The following URI1 variants were observed in gnomAD, a reference collection of about 807,000 sequenced individuals.
URI1 encodes the protein unconventional prefoldin RPB5 interactor 1.
A neutral mutation model predicts 60.2 loss-of-function variants in URI1; 39 were observed. The ratio of observed to expected loss-of-function variants is 0.65; its 90% CI spans 0.50 to 0.85. URI1 has a LOEUF of 0.85. URI1 is among the 40% of genes least tolerant of loss of function. The probability of loss-of-function intolerance (pLI) is 0.00; values close to 1 mark genes in which losing one functional copy is unlikely to be tolerated. For missense variants in URI1, 691 were observed against 665.9 expected (o/e 1.04, Z -0.42); for synonymous variants, 251 against 236.8 (o/e 1.06, Z -0.55).
At chr19:29,957,211 A>G (rs2055260052) in intron 1 of URI1, among the ~76,000 whole-genome samples, 2 of 152,038 alleles carry the variant, frequency 1.3e-5, no homozygotes, top group African/African-American at 4.8e-5. Context: ...TATTAATCAT[A>G]AAGTCTATTA....
chr19:29,979,850 A>G (rs796504175), intron 2 of URI1, among the ~76,000 whole-genome samples: 6 of 152,290 alleles, frequency 3.9e-5, no homozygotes, highest in African/African-American at 1.2e-4. Flanking sequence ...ACTTATATCA[A>G]TTGAAATTAC....
chr19:29,943,379 A>G (rs781101684), intron 1 of URI1, among the ~76,000 whole-genome samples: 4 of 152,192 alleles, frequency 2.6e-5, no homozygotes, highest in Admixed American at 1.3e-4. Context: ...CCAATTTAAG[A>G]AATAGTTTTA....
chr19:29,942,713 C>G, intron 1 of URI1, 49 bp downstream of exon 1: 1 of 1,348,522 alleles, frequency 7.4e-7, no homozygotes, highest in Non-Finnish European at 9.5e-7. Context: ...CGGGCTGCCC[C>G]TGCCTGTGCT....
intron 2 of URI1, among the ~76,000 whole-genome samples, chr19:29,983,537 T>C (rs2055624008): frequency 6.6e-6 from 1 of 152,214 alleles, no homozygotes; most frequent in Non-Finnish European, 1.5e-5. Flanking sequence ...CTGATTTCAA[T>C]TTGACAATGT....
chr19:29,985,935 T>C (rs1299356243), intron 3 of URI1, among the ~76,000 whole-genome samples: 2 of 152,254 alleles, frequency 1.3e-5, no homozygotes, highest in Non-Finnish European at 2.9e-5. Flanking sequence ...AAAAGTATTT[T>C]GCATTGACAA....
At chr19:30,013,857 C>T (rs2056053226) in intron 10 of URI1, among the ~76,000 whole-genome samples, 1 of 152,100 alleles carries the variant, frequency 6.6e-6, no homozygotes, top group Admixed American at 6.5e-5. Context: ...ACCAGTTGAA[C>T]TCCAAAAATA....
At chr19:29,955,912 G>GATACAGCC in intron 1 of URI1, among the ~76,000 whole-genome samples, 1 of 151,646 alleles carries the variant, frequency 6.6e-6, no homozygotes, top group Non-Finnish European at 1.5e-5. Context: ...TCTTACAAAA[G>GATACAGCC]AGGCAGTAAT....
chr19:29,996,892 A>G (rs766723378), intron 4 of URI1, among the ~76,000 whole-genome samples: 1 of 151,924 alleles, frequency 6.6e-6, no homozygotes, highest in Non-Finnish European at 1.5e-5. Flanking sequence ...CATTCTGCTA[A>G]TGTAGTATAT....
At chr19:29,997,562 A>G (rs1165470097) in intron 4 of URI1, among the ~76,000 whole-genome samples, 3 of 151,732 alleles carry the variant, frequency 2.0e-5, no homozygotes, top group Non-Finnish European at 4.4e-5. Flanking sequence ...AATCTTTGTT[A>G]TTCCTTTCTT....
At chr19:29,961,030 AT>A (rs892996752) in intron 1 of URI1, among the ~76,000 whole-genome samples, 22 of 147,116 alleles carry the variant, frequency 1.5e-4, no homozygotes, top group East Asian at 2.0e-4. Flanking sequence ...AAAAAAAAAA[AT>A]TTTTTTTTTT....
chr19:29,961,877 G>T (rs968087473), intron 1 of URI1, among the ~76,000 whole-genome samples: 4 of 151,916 alleles, frequency 2.6e-5, no homozygotes, highest in African/African-American at 9.7e-5. Flanking sequence ...TAGAGTTGGG[G>T]TTTCACCATG....
At position 30,007,559 on chromosome 19, in the gene URI1, G is replaced by T; in HGVS notation, c.607G>T (p.Asp203Tyr). ...TATTGCAAATGATGTGAAATCCAAG[G>T]ATTTGCTAGCTGATAAAGAACTGTG... ...ADIANDVKSKDLLADKELWAR... is the reference protein window; with the variant it reads ...ADIANDVKSKYLLADKELWAR... Residue 203 changes from aspartate to tyrosine, a missense_variant, in exon 7 of 11, where the codon GAT becomes TAT. Transcript: ENST00000392271. The T allele has an allele frequency of 6.2e-7, 1 of 1,613,416 alleles. No individual in the cohort carries two copies. Among genetic ancestry groups the T allele is most frequent in the Non-Finnish European group, 8.5e-7 (1 of 1,179,602 alleles).
At chr19:29,949,778 C>T (rs1413140689) in intron 1 of URI1, among the ~76,000 whole-genome samples, 12 of 152,266 alleles carry the variant, frequency 7.9e-5, no homozygotes, top group East Asian at 1.9e-4. Context: ...GGCGTGGCGG[C>T]GCGCGCCTGC....
chr19:29,990,608 C>A (rs1298254523), intron 4 of URI1, among the ~76,000 whole-genome samples: 4 of 151,996 alleles, frequency 2.6e-5, no homozygotes, highest in Non-Finnish European at 5.9e-5. Context: ...ATTAAAGAAA[C>A]CAGTCACAAA....
rs1218371158 is a variant in URI1, at chr19:29,961,688, TTTG to T, written c.118-9499_118-9497del. Among the ~76,000 whole-genome samples, 438 of 147,096 alleles carry T rather than the reference TTTG, an allele frequency of 3.0e-3. 2 individuals carry two copies. The highest frequency in any genetic ancestry group is 0.011 in the African/African-American group (428 of 37,592). ...TCTTTTTTTTTTGTTTTTTTTTTTT[TTTG>T]TTGTTTGTTTTGAGATGGAGTTTCA... On this transcript the variant is annotated intron_variant, in intron 1 of 10. Coordinates refer to ENST00000392271, the MANE Select transcript of URI1 (RefSeq NM_003796.3).
intron 4 of URI1, among the ~76,000 whole-genome samples, chr19:29,987,191 G>A (rs2055682714): frequency 6.6e-6 from 1 of 152,112 alleles, no homozygotes; most frequent in African/African-American, 2.4e-5. Context: ...CGCCCTACCT[G>A]CTTTTTAACC....
At chr19:29,929,362 T>A (rs1310711378) in intron 1 of URI1, among the ~76,000 whole-genome samples, 3 of 152,120 alleles carry the variant, frequency 2.0e-5, no homozygotes, top group African/African-American at 7.2e-5. Context: ...TTTGGGAGAT[T>A]GAGGTGGGCA....
intron 1 of URI1, among the ~76,000 whole-genome samples, chr19:29,966,034 C>G (rs772234204): frequency 2.0e-5 from 3 of 152,152 alleles, no homozygotes; most frequent in Non-Finnish European, 2.9e-5. Context: ...AGAAGTGGCT[C>G]CATATAATTG....
chr19:29,993,167 A>G (rs1420849747), intron 4 of URI1, among the ~76,000 whole-genome samples: 1 of 152,190 alleles, frequency 6.6e-6, no homozygotes, highest in Non-Finnish European at 1.5e-5. Flanking sequence ...ACATGAAGGG[A>G]TAAGAGCATG....
Sources: allele counts gnomAD v4.1 joint callset (sites outside exome capture counted in the v4.1 genomes callset), GRCh38; gene constraint gnomAD v4.1.1; transcripts MANE v1.5; gene names NCBI Gene and HGNC (gene_info 2026-07-23, HGNC 2026-07-21).